The following HCRTR2 variants were observed in gnomAD, a reference collection of about 807,000 sequenced individuals.
The protein encoded by HCRTR2 is orexin receptor type 2.
A neutral mutation model predicts 49.0 loss-of-function variants in HCRTR2; 22 were observed. That is an observed-to-expected ratio of 0.45 (90% confidence interval 0.32 to 0.64). HCRTR2 has a LOEUF of 0.64. HCRTR2 is among the 30% of genes least tolerant of loss of function. HCRTR2 has a pLI of 0.04. For missense variants in HCRTR2, 491 were observed against 559.4 expected, an observed-to-expected ratio of 0.88 and a Z score of 1.23; for synonymous variants, 236 against 205.3, an observed-to-expected ratio of 1.15 and a Z score of -1.28.
chr6:55,186,139 T>C lies in HCRTR2; in HGVS notation c.223+11329T>C, dbSNP rs1044347411. Among the ~76,000 whole-genome samples, 5 of 152,230 alleles carry C rather than the reference T, an allele frequency of 3.3e-5. No individual in the cohort carries two copies. In the East Asian group the frequency reaches 9.6e-4, roughly 29 times the overall value. ...AAGTAAAAGGTAAGCTGCATGAGAA[T>C]AGTTTCATTTTTTTTCCTGTTTGCC... On this transcript the variant is annotated intron_variant, in intron 1 of 6. Coordinates refer to ENST00000370862, the MANE Select transcript of HCRTR2 (RefSeq NM_001384272.1).
chr6:55,145,418 T>TTTG (rs1491248670), intron 1 of HCRTR2, among the ~76,000 whole-genome samples: 1 of 1,496 alleles, frequency 6.7e-4, no homozygotes, highest in African/African-American at 8.8e-4. Context: ...TTTTTGTTTG[T>TTTG]TTTTTTTTTT....
At chr6:55,238,563 A>AAC (rs1203026105) in intron 1 of HCRTR2, among the ~76,000 whole-genome samples, 1 of 151,902 alleles carries the variant, frequency 6.6e-6, no homozygotes, top group Non-Finnish European at 1.5e-5. Flanking sequence ...CACACACAGA[A>AAC]ACACACACAC....
chr6:55,135,206 G>A (rs1216418797), intron 1 of HCRTR2, among the ~76,000 whole-genome samples: 2 of 152,106 alleles, frequency 1.3e-5, no homozygotes, highest in Non-Finnish European at 1.5e-5. Context: ...AAATATACAG[G>A]ATTAAAAATG....
At chr6:55,142,018 T>A (rs962759571) in intron 1 of HCRTR2, among the ~76,000 whole-genome samples, 1 of 152,082 alleles carries the variant, frequency 6.6e-6, no homozygotes, top group Admixed American at 6.6e-5. Flanking sequence ...TACAAAAAAG[T>A]TAAATGTGGT....
At chr6:55,208,727 C>T (rs776843290) in intron 1 of HCRTR2, among the ~76,000 whole-genome samples, 4 of 152,120 alleles carry the variant, frequency 2.6e-5, no homozygotes, top group African/African-American at 4.8e-5. Flanking sequence ...GATGTGTACT[C>T]AAGATCTCCA....
intron 2 of HCRTR2, among the ~76,000 whole-genome samples, chr6:55,249,586 C>T (rs1766509794): frequency 6.6e-6 from 1 of 152,106 alleles, no homozygotes. Flanking sequence ...AGTATATTCT[C>T]AATAAACATC....
At chr6:55,169,570 G>T (rs963904901), upstream of HCRTR2, among the ~76,000 whole-genome samples, 2 of 151,756 alleles carry the variant, frequency 1.3e-5, no homozygotes, top group African/African-American at 2.4e-5. Flanking sequence ...TTTTCTAGAA[G>T]AATTTAGCTG....
chr6:55,256,031 T>C (rs1766646662), intron 3 of HCRTR2, among the ~76,000 whole-genome samples: 2 of 152,234 alleles, frequency 1.3e-5, no homozygotes, highest in Non-Finnish European at 2.9e-5. Flanking sequence ...TTGAAGGCTT[T>C]ATGTTTCTTT....
intron 1 of HCRTR2, among the ~76,000 whole-genome samples, chr6:55,183,122 C>G (rs1348113735): frequency 6.6e-6 from 1 of 152,234 alleles, no homozygotes; most frequent in Non-Finnish European, 1.5e-5. Flanking sequence ...AACCTGCACT[C>G]TTTTTGAAAG....
At chr6:55,160,105 C>A (rs988918914) in intron 1 of HCRTR2, among the ~76,000 whole-genome samples, 2 of 152,154 alleles carry the variant, frequency 1.3e-5, no homozygotes, top group Non-Finnish European at 2.9e-5. Context: ...GGGTTACCCA[C>A]AAAGGGAAGC....
intron 1 of HCRTR2, among the ~76,000 whole-genome samples, chr6:55,202,113 G>T (rs915820541): frequency 6.6e-6 from 1 of 152,150 alleles, no homozygotes; most frequent in Non-Finnish European, 1.5e-5. Context: ...GGAAAGAAGA[G>T]AATAGAAAAA....
At position 55,280,223 on chromosome 6, in the gene HCRTR2, C is replaced by T; in HGVS notation, c.984-100C>T. 5.1e-6 allele frequency: 4 copies of T among 783,296 alleles called. No individual in the cohort carries two copies. In the South Asian group the frequency reaches 6.6e-5, roughly 13 times the overall value. The allele number at this position is 783,296 out of a possible 1,614,324, so 48.5% of individuals were successfully genotyped here. A position where few individuals can be genotyped will look rare whatever the true frequency, so the allele number is the denominator to read the frequency against. On this transcript the variant is annotated intron_variant, in intron 5 of 6. Coordinates refer to ENST00000370862, the MANE Select transcript of HCRTR2 (RefSeq NM_001384272.1). Reference sequence around the variant, plus strand: ...ACCAATCTGTGGTCAATTCCTGCAACTGAAGAGGACAGGAGTCAGACCATC... The same window carrying T: ...ACCAATCTGTGGTCAATTCCTGCAATTGAAGAGGACAGGAGTCAGACCATC...
rs1764230556 is a variant in HCRTR2, at chr6:55,123,479, C to G, written c.-378+16934C>G. Among the ~76,000 whole-genome samples, 3 of 152,080 alleles carry G rather than the reference C, an allele frequency of 2.0e-5. No individual in the cohort carries two copies. In the South Asian group the frequency reaches 6.2e-4, roughly 32 times the overall value. On this transcript the variant is annotated intron_variant, in intron 1 of 7. Transcript: ENST00000615358. ...CCTTGCATTCCAGGTATGAAGCCAACTTGATTGTGGTGGATAAGCTTTTTG... is the reference window on the plus strand; with the variant it reads ...CCTTGCATTCCAGGTATGAAGCCAAGTTGATTGTGGTGGATAAGCTTTTTG...
intron 1 of HCRTR2, among the ~76,000 whole-genome samples, chr6:55,215,324 T>A (rs1765768652): frequency 6.6e-6 from 1 of 152,140 alleles, no homozygotes; most frequent in Non-Finnish European, 1.5e-5. Context: ...AAATCCTTTA[T>A]CCAGAAGAAT....
At chr6:55,143,668 T>G (rs2127254166) in intron 1 of HCRTR2, among the ~76,000 whole-genome samples, 1 of 152,338 alleles carries the variant, frequency 6.6e-6, no homozygotes, top group Non-Finnish European at 1.5e-5. Context: ...TTCCAAATAC[T>G]TGACTTTTAG....
chr6:55,213,154 C>G (rs1765726056), intron 1 of HCRTR2, among the ~76,000 whole-genome samples: 1 of 151,796 alleles, frequency 6.6e-6, no homozygotes, highest in Non-Finnish European at 1.5e-5. Flanking sequence ...GGAGCTAGTA[C>G]AGAAAGCAAA....
At chr6:55,234,337 G>C (rs1233749669) in intron 1 of HCRTR2, among the ~76,000 whole-genome samples, 1 of 152,042 alleles carries the variant, frequency 6.6e-6, no homozygotes, top group Non-Finnish European at 1.5e-5. Flanking sequence ...AAAGGTAAAA[G>C]ATTGGTTTTG....
intron 1 of HCRTR2, among the ~76,000 whole-genome samples, chr6:55,228,091 G>C (rs925591315): frequency 6.6e-6 from 1 of 152,110 alleles, no homozygotes. Flanking sequence ...GGTTGAGGTA[G>C]TGAGAGGATT....
At chr6:55,133,385 A>ACAC (rs60466214) in intron 1 of HCRTR2, among the ~76,000 whole-genome samples, 1 of 99,646 alleles carries the variant, frequency 1.0e-5, no homozygotes, top group Non-Finnish European at 2.5e-5. Context: ...ACACACACAC[A>ACAC]AAAAAACACA....
Sources: allele counts gnomAD v4.1 joint callset (sites outside exome capture counted in the v4.1 genomes callset), GRCh38; gene constraint gnomAD v4.1.1; transcripts MANE v1.5; gene names NCBI Gene and HGNC (gene_info 2026-07-23, HGNC 2026-07-21).